THNSL2: variants seen among roughly 807,000 people sequenced by gnomAD.
The protein encoded by THNSL2 is threonine synthase like 2.
In THNSL2, 34 loss-of-function variants were observed where a neutral mutation model predicts 40.0. The observed-to-expected ratio is 0.85, with a 90% CI of 0.65 to 1.13. THNSL2 has a LOEUF of 1.13. THNSL2 is among the 50% of genes most tolerant of loss of function. The pLI is 0.00. For missense variants in THNSL2, 537 were observed against 608.8 expected, an observed-to-expected ratio of 0.88 and a Z score of 1.24; for synonymous variants, 241 against 247.5, an observed-to-expected ratio of 0.97 and a Z score of 0.25.
In THNSL2 at chr2:88,178,846, T is replaced by G; in HGVS notation, c.635T>G (p.Val212Gly). 6.2e-7 allele frequency: 1 copy of G among 1,614,206 alleles called. No homozygotes were observed. The stretch of plus-strand genomic sequence containing the variant: ...ACTGTGTTTGCCGATGTGGCTTTTG[T>G]CAAGAAGCACAATCTGATGAGCCTG... ...IKTVFADVAF[V>G]KKHNLMSLNS... The change falls in exon 5 of 9, where the codon GTC becomes GGC. Residue 212 changes from valine (V) to glycine (G), a missense_variant. Physicochemically the swap from Val to Gly is moderately radical, Grantham distance 109. Transcript: ENST00000674334.
chr2:88,177,923 A>C (rs1677112228), intron 4 of THNSL2, among the ~76,000 whole-genome samples: 1 of 152,208 alleles, frequency 6.6e-6, no homozygotes, highest in Non-Finnish European at 1.5e-5. Flanking sequence ...TTCTGGGTAC[A>C]CACATGGATC....
Position 88,186,320 on chromosome 2 carries a change from T to C in THNSL2, c.*197T>C. On this transcript the variant is annotated 3_prime_UTR_variant, in exon 9 of 9. Coordinates refer to ENST00000674334, the MANE Select transcript of THNSL2 (RefSeq NM_018271.5). ...ACCAGGGAGGCTGAGTGAGGGGCTGTGAACAGTTGCCGGAAGCACCCCCTC... is the reference window on the plus strand; with the variant it reads ...ACCAGGGAGGCTGAGTGAGGGGCTGCGAACAGTTGCCGGAAGCACCCCCTC... 1 of 613,354 alleles carries C rather than the reference T, an allele frequency of 1.6e-6. No homozygotes were observed. Among genetic ancestry groups the C allele is most frequent in the Non-Finnish European group, 2.9e-6 (1 of 349,156 alleles). 38.0% of individuals were successfully genotyped at this position (613,354 alleles called of 1,614,324 possible).
At chr2:88,184,898 G>T (rs114759512) in intron 7 of THNSL2, among the ~76,000 whole-genome samples, 2 of 152,136 alleles carry the variant, frequency 1.3e-5, no homozygotes, top group Non-Finnish European at 2.9e-5. Flanking sequence ...CAAACACACC[G>T]AGGGAGCACA....
Position 88,170,410 on chromosome 2 carries a change from G to GGCCCCGCGCCCCGCGCCCCGC in THNSL2, c.-56_-55insCCGCGCCCCGCGCCCCGCGCC, listed in dbSNP as rs1553460733. The GGCCCCGCGCCCCGCGCCCCGC allele has an allele frequency of 4.1e-5, 5 of 122,806 alleles. No homozygotes were observed. Among genetic ancestry groups the GGCCCCGCGCCCCGCGCCCCGC allele is most frequent in the Non-Finnish European group, 8.8e-5 (5 of 56,838 alleles). The allele number at this position is 122,806 out of a possible 1,614,324, so 7.6% of individuals were successfully genotyped here. A position where few individuals can be genotyped will look rare whatever the true frequency, so the allele number is the denominator to read the frequency against. On this transcript the variant is annotated 5_prime_UTR_variant, in exon 1 of 9. Transcript: ENST00000674334. ...GCCCGGGCAGCCCTGCTGCGCACCGGGCCTCGCGCCCCGCGCCCCGCGCCC... is the reference window on the plus strand; with the variant it reads ...GCCCGGGCAGCCCTGCTGCGCACCGGGCCCCGCGCCCCGCGCCCCGCGCCTCGCGCCCCGCGCCCCGCGCCC...
At chr2:88,182,497 A>G (rs1196605155) in intron 5 of THNSL2, 1 of 489,264 alleles carries the variant, frequency 2.0e-6, no homozygotes, top group Non-Finnish European at 3.5e-6. Context: ...TATATTCTGG[A>G]TACAAATCCC....
intron 8 of THNSL2, 110 bp from the exon 9 acceptor site, chr2:88,185,788 C>G: frequency 6.5e-7 from 1 of 1,530,222 alleles, no homozygotes; most frequent in Non-Finnish European, 8.8e-7. Context: ...GTCCTCCATA[C>G]CCCCCCATCC....
At position 88,183,017 on chromosome 2, in the gene THNSL2, A is replaced by G; in HGVS notation, c.1021A>G (p.Met341Val). The G allele has an allele frequency of 1.9e-6, 3 of 1,614,092 alleles. No homozygotes were observed. Among genetic ancestry groups the G allele is most frequent in the Non-Finnish European group, 2.5e-6 (3 of 1,180,022 alleles). The part of the protein sequence containing the change: ...GSDSQVTRAL[M>V]EQFERTQSVN... ...TGACAGCCAGGTGACAAGAGCCCTCATGGAGCAGTTTGAAAGGACCCAAAG... is the reference window on the plus strand; with the variant it reads ...TGACAGCCAGGTGACAAGAGCCCTCGTGGAGCAGTTTGAAAGGACCCAAAG... The change falls in exon 7 of 9, where the codon ATG becomes GTG. Residue 341 changes from methionine (M) to valine (V), a missense_variant. Physicochemically the swap from Met to Val is conservative, Grantham distance 21 (BLOSUM62 1). Transcript: ENST00000674334.
At position 88,175,420 on chromosome 2, in the gene THNSL2, G is replaced by A. The variant is rs200163610; in HGVS notation, c.571+19G>A. 2 of 1,613,650 alleles carry A rather than the reference G, an allele frequency of 1.2e-6. No homozygotes were observed. Among genetic ancestry groups the A allele is most frequent in the African/African-American group, 2.7e-5 (2 of 75,040 alleles). The stretch of plus-strand genomic sequence containing the variant: ...TTTGGAGGTGTGTGCTGAGGCAGAG[G>A]CTCTAGGGACAGTGCAGCCCTGCCT... On this transcript the variant is annotated intron_variant, in intron 4 of 8. Transcript: ENST00000674334.
At chr2:88,174,151 A>G (rs1357549242) in intron 2 of THNSL2, among the ~76,000 whole-genome samples, 3 of 152,180 alleles carry the variant, frequency 2.0e-5, no homozygotes, top group African/African-American at 7.2e-5. Flanking sequence ...ACAGTTTGAG[A>G]AGCTGTGCTC....
In THNSL2 at chr2:88,185,213, GA is replaced by G. The variant is rs369986548; in HGVS notation, c.1078-113del. 6.0e-4 allele frequency: 849 copies of G among 1,426,478 alleles called. 4 individuals carry two copies. The African/African-American group carries it at 0.011, about 19-fold the overall frequency. The allele number at this position is 1,426,478 out of a possible 1,614,324, so 88.4% of individuals were successfully genotyped here. ...GAGCCACATCTGAGCCATTCGGTCT[GA>G]ATGTCCCACTGGATCCCTGGGGTTT... On this transcript the variant is annotated intron_variant, in intron 7 of 8. Transcript: ENST00000674334.
chr2:88,177,593 T>G (rs1357547482), intron 4 of THNSL2, among the ~76,000 whole-genome samples: 1 of 152,190 alleles, frequency 6.6e-6, no homozygotes, highest in African/African-American at 2.4e-5. Flanking sequence ...GGCTTCCAGT[T>G]GTTTGATTCA....
Position 88,175,243 on chromosome 2 carries a change from A to G in THNSL2, c.419-6A>G, listed in dbSNP as rs142010357. ...AGGGGGAGAGTTCTCCTTTCTTCCC[A>G]TCCAGGAACATCTGGGGACACAGGA... On this transcript the variant is annotated splice_polypyrimidine_tract_variant and splice_region_variant and intron_variant, in intron 3 of 8. Transcript: ENST00000674334. The G allele has an allele frequency of 3.5e-3, 5,648 of 1,613,428 alleles. 23 individuals carry two copies. The highest frequency in any genetic ancestry group is 8.2e-3 in the South Asian group (749 of 90,966).
chr2:88,181,102 CCT>C (rs201499643), intron 5 of THNSL2, among the ~76,000 whole-genome samples: 1 of 1,186 alleles, frequency 8.4e-4, no homozygotes, highest in Non-Finnish European at 2.3e-3. Flanking sequence ...TCTCCTCTCT[CCT>C]CTCTCTCCTC....
intron 5 of THNSL2, among the ~76,000 whole-genome samples, chr2:88,181,883 T>C (rs2104254710): frequency 6.6e-6 from 1 of 152,312 alleles, no homozygotes; most frequent in Admixed American, 6.5e-5. Context: ...ATACAGGATG[T>C]GGTCTTTTGT....
intron 2 of THNSL2, among the ~76,000 whole-genome samples, chr2:88,174,011 C>T (rs972817023): frequency 3.9e-5 from 6 of 152,156 alleles, no homozygotes; most frequent in African/African-American, 1.4e-4. Flanking sequence ...GAGAAAGGAC[C>T]ACTTAAAATG....
chr2:88,182,860 G>A lies in THNSL2; in HGVS notation c.951+13G>A, dbSNP rs1429086573. On this transcript the variant is annotated intron_variant, in intron 6 of 8. Coordinates refer to ENST00000674334, the MANE Select transcript of THNSL2 (RefSeq NM_018271.5). ...TATGGACATTCAGGTAGGCCTGGGG[G>A]AGGTGTGCAGATCTGGCCCAGGTGT... The A allele has an allele frequency of 1.2e-6, 2 of 1,613,914 alleles. No individual in the cohort carries two copies. Among genetic ancestry groups the A allele is most frequent in the African/African-American group, 1.3e-5 (1 of 75,010 alleles).
chr2:88,173,036 T>G, intron 1 of THNSL2, 103 bp from the exon 2 acceptor site: 1 of 674,636 alleles, frequency 1.5e-6, no homozygotes, highest in Non-Finnish European at 2.4e-6. Flanking sequence ...CCCCGGAGAC[T>G]GGTGGTCTAG....
In THNSL2 at chr2:88,185,319, A is replaced by G; in HGVS notation, c.1078-9A>G. 6.2e-7 allele frequency: 1 copy of G among 1,609,676 alleles called. No homozygotes were observed. Among genetic ancestry groups the G allele is most frequent in the Non-Finnish European group, 8.5e-7 (1 of 1,178,352 alleles). ...CCACACCTCATCTTTCTGACCTGGG[A>G]CCCTTCAGCTTTCAGAGGCAGTGAC... On this transcript the variant is annotated splice_polypyrimidine_tract_variant and intron_variant, in intron 7 of 8. Transcript: ENST00000674334.
intron 5 of THNSL2, among the ~76,000 whole-genome samples, chr2:88,182,161 G>A (rs892029431): frequency 6.6e-6 from 1 of 152,176 alleles, no homozygotes. Context: ...TGATAACTCT[G>A]TTTAATATTT....
Sources: allele counts gnomAD v4.1 joint callset (sites outside exome capture counted in the v4.1 genomes callset), GRCh38; gene constraint gnomAD v4.1.1; transcripts MANE v1.5; gene names NCBI Gene and HGNC (gene_info 2026-07-23, HGNC 2026-07-21).